The following LINGO2 variants were observed in gnomAD, a reference collection of about 807,000 sequenced individuals.
LINGO2 encodes the protein leucine-rich repeat and immunoglobulin-like domain-containing nogo receptor-interacting protein 2.
Under a neutral mutation model 30.6 loss-of-function variants are expected in LINGO2, and 14 were observed. The ratio of observed to expected loss-of-function variants is 0.46; its 90% confidence interval spans 0.30 to 0.72. LINGO2 has a LOEUF of 0.72. Ranked by LOEUF, LINGO2 falls within the 30% of genes least tolerant of loss-of-function variation. The pLI is 0.07. For missense variants in LINGO2, 729 were observed against 751.7 expected, an observed-to-expected ratio of 0.97 and a Z score of 0.35; for synonymous variants, 317 against 288.5, an observed-to-expected ratio of 1.10 and a Z score of -1.00.
the LINGO2 span, among the ~76,000 whole-genome samples, chr9:29,096,203 T>G: frequency 7.2e-6 from 1 of 138,892 alleles, no homozygotes; most frequent in African/African-American, 2.7e-5. Flanking sequence ...TGCTATAGAG[T>G]GATTTTCAGC....
chr9:28,684,691 G>A, the LINGO2 span, among the ~76,000 whole-genome samples: 9 of 151,394 alleles, frequency 5.9e-5, no homozygotes, highest in Non-Finnish European at 8.8e-5. Flanking sequence ...GCTAAATTTT[G>A]TATTTTTAGT....
intron 1 of LINGO2, among the ~76,000 whole-genome samples, chr9:28,555,800 T>G (rs913074180): frequency 1.3e-5 from 2 of 152,026 alleles, no homozygotes; most frequent in Non-Finnish European, 2.9e-5. Flanking sequence ...TTATCCACCA[T>G]GATCAAGTGG....
At chr9:29,121,146 T>C in the LINGO2 span, among the ~76,000 whole-genome samples, 3 of 152,148 alleles carry the variant, frequency 2.0e-5, no homozygotes, top group African/African-American at 7.2e-5. Context: ...TAAAGATGTT[T>C]GAAGCAGTTG....
At chr9:28,046,195 G>T (rs924977746) in intron 4 of LINGO2, among the ~76,000 whole-genome samples, 1 of 152,152 alleles carries the variant, frequency 6.6e-6, no homozygotes, top group Non-Finnish European at 1.5e-5. Flanking sequence ...TCCCTTAGAT[G>T]CAGTATACGA....
In LINGO2 at chr9:28,043,144, A is replaced by C. The variant is rs76276064; in HGVS notation, c.-86-30739T>G. 1.9e-3 allele frequency among the ~76,000 whole-genome samples: 293 copies of C among 152,326 alleles called. 8 individuals are homozygous for C. The East Asian group carries it at 0.03, about 15-fold the overall frequency. ...CTGGCTGCACCAACGAGACAGGTAG[A>C]AGATGTCAGTGTGTGCCTCCTCGGC... is the stretch of plus-strand genomic sequence containing the variant. On this transcript the variant is annotated intron_variant, in intron 4 of 5. Transcript: ENST00000379992.
intron 4 of LINGO2, among the ~76,000 whole-genome samples, chr9:28,150,838 C>T (rs556947488): frequency 6.6e-6 from 1 of 152,260 alleles, no homozygotes; most frequent in South Asian, 2.1e-4. Flanking sequence ...TGGCGGTCGC[C>T]ATAGTTAGTC....
the LINGO2 span, among the ~76,000 whole-genome samples, chr9:29,160,701 T>C: frequency 6.6e-6 from 1 of 152,194 alleles, no homozygotes; most frequent in Non-Finnish European, 1.5e-5. Context: ...ATATATTTGA[T>C]TTTTCTCCTA....
At chr9:28,933,395 C>T in the LINGO2 span, among the ~76,000 whole-genome samples, 289 of 152,304 alleles carry the variant, frequency 1.9e-3, 1 homozygote, top group African/African-American at 6.5e-3. Flanking sequence ...GTCCGCCAAT[C>T]GCATAAGAAC....
chr9:28,947,510 T>A, the LINGO2 span, among the ~76,000 whole-genome samples: 86 of 152,136 alleles, frequency 5.7e-4, no homozygotes, highest in African/African-American at 2.0e-3. Flanking sequence ...TACATACACA[T>A]AGTGGGAAAT....
At chr9:28,644,510 T>C (rs1827743045) in intron 1 of LINGO2, among the ~76,000 whole-genome samples, 1 of 150,578 alleles carries the variant, frequency 6.6e-6, no homozygotes, top group South Asian at 2.1e-4. Context: ...AGTGGGAGGA[T>C]GGTTACTAGA....
intron 2 of LINGO2, among the ~76,000 whole-genome samples, chr9:28,408,694 C>T (rs535846125): frequency 6.7e-6 from 1 of 149,326 alleles, no homozygotes; most frequent in South Asian, 2.1e-4. Flanking sequence ...GGGTGCAGCA[C>T]ACCAACATGG....
chr9:28,580,803 A>G (rs1824221948), intron 1 of LINGO2, among the ~76,000 whole-genome samples: 1 of 152,138 alleles, frequency 6.6e-6, no homozygotes, highest in Middle Eastern at 3.4e-3. Flanking sequence ...ACAAATAGGG[A>G]TTTTGAGGAA....
At chr9:28,888,888 T>C in the LINGO2 span, 3 of 534,148 alleles carry the variant, frequency 5.6e-6, no homozygotes, top group South Asian at 4.2e-5. Context: ...TTTGTGGGTG[T>C]TCCCGGGAAC....
At chr9:28,020,964 G>T (rs776691910) in intron 4 of LINGO2, among the ~76,000 whole-genome samples, 2 of 151,970 alleles carry the variant, frequency 1.3e-5, no homozygotes, top group Non-Finnish European at 2.9e-5. Context: ...TTTATCAGTT[G>T]TATTGATCAT....
At chr9:28,943,270 T>C in the LINGO2 span, among the ~76,000 whole-genome samples, 1 of 152,060 alleles carries the variant, frequency 6.6e-6, no homozygotes, top group African/African-American at 2.4e-5. Context: ...AGGAGAACAC[T>C]GCATCCATAA....
At chr9:27,982,431 G>T (rs887936149) in intron 5 of LINGO2, among the ~76,000 whole-genome samples, 3 of 151,904 alleles carry the variant, frequency 2.0e-5, no homozygotes, top group Admixed American at 1.3e-4. Context: ...ACATACACAT[G>T]CATGCATGTG....
chr9:28,660,687 T>C lies in LINGO2; in HGVS notation c.-365+9513A>G, dbSNP rs567959221. Among the ~76,000 whole-genome samples the C allele has an allele frequency of 6.7e-4, 102 of 152,166 alleles. 1 individual carries two copies. The highest frequency in any genetic ancestry group is 2.3e-3 in the African/African-American group (95 of 41,518). On this transcript the variant is annotated intron_variant, in intron 1 of 5. Transcript: ENST00000379992. ...ACTTGCTAATTCAGGATATGTTAAT[T>C]TTTTTTCCTTACACTAGATTCTAGG...
the LINGO2 span, among the ~76,000 whole-genome samples, chr9:28,743,567 T>C: frequency 6.6e-6 from 1 of 152,034 alleles, no homozygotes; most frequent in Non-Finnish European, 1.5e-5. Flanking sequence ...TTTTGCTGGA[T>C]ATAAGATTCT....
chr9:28,055,880 A>G (rs1824914154), intron 4 of LINGO2, among the ~76,000 whole-genome samples: 1 of 152,156 alleles, frequency 6.6e-6, no homozygotes, highest in Admixed American at 6.6e-5. Context: ...GCATTTGGCA[A>G]AAGTTAAATG....
Sources: allele counts gnomAD v4.1 joint callset (sites outside exome capture counted in the v4.1 genomes callset), GRCh38; gene constraint gnomAD v4.1.1; transcripts MANE v1.5; gene names NCBI Gene and HGNC (gene_info 2026-07-23, HGNC 2026-07-21).